Variants in FUT9 observed in about 807,000 individuals in gnomAD.
FUT9 encodes 4-galactosyl-N-acetylglucosaminide 3-alpha-L-fucosyltransferase 9.
Under a neutral mutation model 29.7 loss-of-function variants are expected in FUT9, and 15 were observed. The observed-to-expected ratio is 0.51, with a 90% CI of 0.34 to 0.78. FUT9 has a LOEUF of 0.78. Among genes scored for constraint, FUT9 ranks in the 30% least tolerant of loss-of-function variants. The pLI, the probability that FUT9 is intolerant of heterozygous loss-of-function variation, is 0.01. For missense variants in FUT9, 319 were observed against 425.4 expected, an observed-to-expected ratio of 0.75 and a Z score of 2.20; for synonymous variants, 169 against 153.7, an observed-to-expected ratio of 1.10 and a Z score of -0.74.
intron 2 of FUT9, among the ~76,000 whole-genome samples, chr6:96,155,692 A>AAGAG (rs1307697720): frequency 6.6e-6 from 1 of 151,876 alleles, no homozygotes; most frequent in Non-Finnish European, 1.5e-5. Flanking sequence ...AAAGGAAAGA[A>AAGAG]AGAAAAAGAA....
chr6:96,129,490 C>G (rs899629187), intron 2 of FUT9, among the ~76,000 whole-genome samples: 2 of 151,842 alleles, frequency 1.3e-5, no homozygotes, highest in African/African-American at 4.8e-5. Context: ...CAGCTTCAAA[C>G]TATTCACTAT....
At chr6:96,099,046 T>G (rs1297739061) in intron 1 of FUT9, among the ~76,000 whole-genome samples, 1 of 152,132 alleles carries the variant, frequency 6.6e-6, no homozygotes. Flanking sequence ...ATCCTTTATC[T>G]CTGTATTATC....
Position 96,138,635 on chromosome 6 carries a change from T to C in FUT9, c.-9+24508T>C, listed in dbSNP as rs1327625852. Among the ~76,000 whole-genome samples, 4 of 152,334 alleles carry C rather than the reference T, an allele frequency of 2.6e-5. No homozygotes were observed. In the East Asian group the frequency reaches 5.8e-4, roughly 22 times the overall value. On this transcript the variant is annotated intron_variant, in intron 2 of 2. Coordinates refer to ENST00000302103, the MANE Select transcript of FUT9 (RefSeq NM_006581.4). ...AACAGTCTGAAATTATATCATCGTATAGTCTGTCAGCAACTTCGAAGCTGG... is the reference window on the plus strand; with the variant it reads ...AACAGTCTGAAATTATATCATCGTACAGTCTGTCAGCAACTTCGAAGCTGG...
At chr6:96,051,679 T>C (rs1235369889) in intron 1 of FUT9, among the ~76,000 whole-genome samples, 3 of 151,850 alleles carry the variant, frequency 2.0e-5, no homozygotes, top group African/African-American at 7.3e-5. Flanking sequence ...TAAATAAAAC[T>C]ATAAAATAAT....
chr6:96,017,829 G>C (rs558998523), intron 1 of FUT9, among the ~76,000 whole-genome samples: 3 of 152,160 alleles, frequency 2.0e-5, no homozygotes, highest in Middle Eastern at 3.2e-3. Flanking sequence ...AGAGATGTAT[G>C]CTTCATCACC....
chr6:96,078,525 A>G (rs1771181745), intron 1 of FUT9, among the ~76,000 whole-genome samples: 1 of 137,644 alleles, frequency 7.3e-6, no homozygotes, highest in African/African-American at 2.8e-5. Flanking sequence ...GATTCGCGCC[A>G]TTCTCCTGCC....
At chr6:96,165,177 A>G (rs188848046) in intron 2 of FUT9, among the ~76,000 whole-genome samples, 160 of 152,310 alleles carry the variant, frequency 1.1e-3, no homozygotes, top group African/African-American at 3.7e-3. Context: ...CACACCTGTA[A>G]TCCCAGCACT....
chr6:96,120,426 A>G (rs1772003626), intron 2 of FUT9, among the ~76,000 whole-genome samples: 1 of 149,100 alleles, frequency 6.7e-6, no homozygotes, highest in Admixed American at 6.7e-5. Flanking sequence ...GTCCGCCACC[A>G]CGCCCAGCTA....
Position 96,197,637 on chromosome 6 carries a change from C to CA in FUT9, c.-8-5504dup, listed in dbSNP as rs538599340. 1.3e-3 allele frequency among the ~76,000 whole-genome samples: 193 copies of CA among 152,126 alleles called. 1 individual carries two copies. The Middle Eastern group carries it at 0.034, about 27-fold the overall frequency. On this transcript the variant is annotated intron_variant, in intron 2 of 2. Transcript: ENST00000302103. Reference sequence around the variant, plus strand: ...GGAATGGTTTAATAGTACACATACACAAAAAAATAGTAAATGTACTATACA... The same window carrying CA: ...GGAATGGTTTAATAGTACACATACACAAAAAAAATAGTAAATGTACTATACA...
In FUT9 at chr6:96,062,002, T is replaced by G. The variant is rs554272009; in HGVS notation, c.-98+45790T>G. Among the ~76,000 whole-genome samples, 129 of 152,216 alleles carry G rather than the reference T, an allele frequency of 8.5e-4. 1 individual carries two copies. Among genetic ancestry groups the G allele is most frequent in the African/African-American group, 2.9e-3 (121 of 41,474 alleles). The stretch of plus-strand genomic sequence containing the variant: ...GTCAATTCGATCTTTACCATTCCCA[T>G]GGATTGGCTTAATTAACAATATTTT... On this transcript the variant is annotated intron_variant, in intron 1 of 2. Coordinates refer to ENST00000302103, the MANE Select transcript of FUT9 (RefSeq NM_006581.4).
At chr6:96,054,619 T>C (rs1770730046) in intron 1 of FUT9, among the ~76,000 whole-genome samples, 1 of 152,196 alleles carries the variant, frequency 6.6e-6, no homozygotes, top group African/African-American at 2.4e-5. Context: ...CATAATGCAA[T>C]GTAGCAGATA....
intron 1 of FUT9, among the ~76,000 whole-genome samples, chr6:96,065,795 A>C (rs781573357): frequency 1.5e-4 from 23 of 152,288 alleles, no homozygotes; most frequent in South Asian, 1.0e-3. Context: ...AAATAACAAA[A>C]TTGATAGGAA....
intron 2 of FUT9, among the ~76,000 whole-genome samples, chr6:96,168,449 G>T (rs1005343258): frequency 6.6e-6 from 1 of 152,148 alleles, no homozygotes; most frequent in African/African-American, 2.4e-5. Flanking sequence ...ACTAAGAGAA[G>T]GTGGCATCTT....
At chr6:96,034,200 A>G (rs572421484) in intron 1 of FUT9, among the ~76,000 whole-genome samples, 2 of 151,734 alleles carry the variant, frequency 1.3e-5, no homozygotes, top group South Asian at 4.1e-4. Context: ...TGAAGCAGGC[A>G]CAGAAGCAGA....
intron 1 of FUT9, among the ~76,000 whole-genome samples, chr6:96,016,795 A>G (rs760399482): frequency 6.6e-5 from 10 of 152,202 alleles, no homozygotes; most frequent in Non-Finnish European, 1.2e-4. Flanking sequence ...GGAAATTGAC[A>G]CAGACACGCT....
At chr6:96,070,699 A>C (rs1771044941) in intron 1 of FUT9, among the ~76,000 whole-genome samples, 1 of 152,242 alleles carries the variant, frequency 6.6e-6, no homozygotes, top group African/African-American at 2.4e-5. Context: ...AAAAAAATTA[A>C]TTAATTAATT....
chr6:96,054,292 G>A (rs1022078972), intron 1 of FUT9, among the ~76,000 whole-genome samples: 1 of 152,154 alleles, frequency 6.6e-6, no homozygotes, highest in African/African-American at 2.4e-5. Context: ...GATATAGGTT[G>A]GTCCTTATGG....
chr6:96,144,251 A>C (rs963295295), intron 2 of FUT9, among the ~76,000 whole-genome samples: 1 of 152,054 alleles, frequency 6.6e-6, no homozygotes, highest in African/African-American at 2.4e-5. Context: ...AGTTGAACGA[A>C]TGATGGTATT....
At chr6:96,071,910 T>C (rs984351109) in intron 1 of FUT9, among the ~76,000 whole-genome samples, 3 of 152,146 alleles carry the variant, frequency 2.0e-5, no homozygotes, top group Non-Finnish European at 4.4e-5. Flanking sequence ...ACTTGGATTA[T>C]AGGCGTGAGC....
Sources: gnomAD v4.1 joint callset for allele counts (sites outside exome capture counted in the v4.1 genomes callset) on GRCh38, gnomAD v4.1.1 for gene constraint, MANE v1.5 for transcripts, NCBI Gene and HGNC (gene_info 2026-07-23, HGNC 2026-07-21) for gene names.